SLC44A3: variants seen among roughly 807,000 people sequenced by gnomAD.
SLC44A3 encodes the protein choline transporter-like protein 3.
In SLC44A3, 74 loss-of-function variants were observed where a neutral mutation model predicts 75.4. The ratio of observed to expected loss-of-function variants is 0.98; its 90% confidence interval spans 0.81 to 1.19. The LOEUF (loss-of-function observed/expected upper bound fraction) is 1.19. SLC44A3 is among the 50% of genes most tolerant of loss of function. The probability of loss-of-function intolerance (pLI) is 0.00; values close to 1 mark genes in which losing one functional copy is unlikely to be tolerated. For synonymous variants in SLC44A3, 310 were observed against 296.9 expected, an observed-to-expected ratio of 1.04 and a Z score of -0.45; for missense variants, 700 against 778.6, an observed-to-expected ratio of 0.90 and a Z score of 1.20.
intron 8 of SLC44A3, among the ~76,000 whole-genome samples, chr1:94,842,441 A>C (rs1194838603): frequency 1.3e-5 from 2 of 152,174 alleles, no homozygotes; most frequent in Admixed American, 1.3e-4. Flanking sequence ...GGCAGTTCCC[A>C]TTCCCTGTTT....
intron 12 of SLC44A3, among the ~76,000 whole-genome samples, chr1:94,881,213 C>A (rs912162504): frequency 4.6e-5 from 7 of 152,196 alleles, no homozygotes; most frequent in Non-Finnish European, 1.0e-4. Flanking sequence ...CACCAAGCAG[C>A]CTGGCAGGGC....
At chr1:94,847,913 A>G (rs1664625573) in intron 9 of SLC44A3, among the ~76,000 whole-genome samples, 1 of 152,136 alleles carries the variant, frequency 6.6e-6, no homozygotes, top group Admixed American at 6.5e-5. Flanking sequence ...TGCATCTGGG[A>G]TCCAAAGCTA....
intron 12 of SLC44A3, among the ~76,000 whole-genome samples, chr1:94,886,578 C>T (rs1467357413): frequency 2.6e-5 from 4 of 152,070 alleles, no homozygotes; most frequent in Admixed American, 1.3e-4. Flanking sequence ...ATGAAGCCTT[C>T]CCTGATCCCT....
chr1:94,872,945 G>T (rs147155580), intron 12 of SLC44A3, among the ~76,000 whole-genome samples: 62 of 152,330 alleles, frequency 4.1e-4, no homozygotes, highest in African/African-American at 1.4e-3. Flanking sequence ...GATGTTTCAT[G>T]TTGCCTCAAT....
intron 9 of SLC44A3, among the ~76,000 whole-genome samples, chr1:94,853,894 G>A (rs181963512): frequency 2.5e-4 from 36 of 145,268 alleles, no homozygotes; most frequent in African/African-American, 7.9e-4. Flanking sequence ...TTATTGTTCC[G>A]CCTAATAGCT....
chr1:94,881,052 A>G (rs1668910116), intron 12 of SLC44A3, among the ~76,000 whole-genome samples: 1 of 152,212 alleles, frequency 6.6e-6, no homozygotes, highest in African/African-American at 2.4e-5. Flanking sequence ...GAAAGAAAAG[A>G]TATGTTACTA....
chr1:94,851,432 C>A (rs576759992), intron 9 of SLC44A3, among the ~76,000 whole-genome samples: 1 of 152,174 alleles, frequency 6.6e-6, no homozygotes, highest in African/African-American at 2.4e-5. Context: ...AAATATGCAT[C>A]CCTTAGTGAT....
chr1:94,829,173 C>T (rs2100959474), intron 5 of SLC44A3, among the ~76,000 whole-genome samples: 1 of 152,066 alleles, frequency 6.6e-6, no homozygotes, highest in South Asian at 2.1e-4. Flanking sequence ...GTCCCAGCTA[C>T]TTGGGAGGCC....
intron 9 of SLC44A3, among the ~76,000 whole-genome samples, chr1:94,854,422 A>C (rs537245135): frequency 6.6e-6 from 1 of 152,176 alleles, no homozygotes; most frequent in African/African-American, 2.4e-5. Flanking sequence ...CCATCCCCTG[A>C]GATCTGTCAT....
rs564865029 is a variant in SLC44A3 at position 94,884,844 on chromosome 1, G to A, written c.1483-6286G>A. On this transcript the variant is annotated intron_variant, in intron 12 of 14. Coordinates refer to ENST00000271227, the MANE Select transcript of SLC44A3 (RefSeq NM_001114106.3). ...TTTCTATGTTAAAGCTGCAATTAAC[G>A]TTCTTGGATAGCTCTCACAGTAACT... Among the ~76,000 whole-genome samples the A allele has an allele frequency of 2.0e-5, 3 of 152,270 alleles. No individual in the cohort carries two copies. The South Asian group carries it at 6.2e-4, about 32-fold the overall frequency.
intron 12 of SLC44A3, among the ~76,000 whole-genome samples, chr1:94,884,816 C>T (rs966003641): frequency 5.3e-5 from 8 of 152,168 alleles, no homozygotes; most frequent in Non-Finnish European, 1.2e-4. Flanking sequence ...TAAAAAAACG[C>T]TCTTTCTATG....
chr1:94,833,105 T>A (rs1662335682), intron 5 of SLC44A3, among the ~76,000 whole-genome samples: 1 of 152,146 alleles, frequency 6.6e-6, no homozygotes, highest in Non-Finnish European at 1.5e-5. Context: ...GAGGCTGTAG[T>A]CAGCCTCCCT....
chr1:94,864,594 C>T (rs1451703868), intron 10 of SLC44A3, 149 bp from the exon 11 acceptor site: 13 of 628,334 alleles, frequency 2.1e-5, no homozygotes, highest in African/African-American at 3.7e-5. Flanking sequence ...ACAATTTAAC[C>T]GAAGCTACCA....
intron 12 of SLC44A3, among the ~76,000 whole-genome samples, chr1:94,878,155 AC>A (rs901465555): frequency 6.6e-6 from 1 of 151,620 alleles, no homozygotes; most frequent in Non-Finnish European, 1.5e-5. Flanking sequence ...AATGGCGTGA[AC>A]CCCAGGGGGC....
At chr1:94,888,827 T>G (rs1669897070) in intron 12 of SLC44A3, 21 of 501,262 alleles carry the variant, frequency 4.2e-5, no homozygotes, top group Non-Finnish European at 5.1e-5. Context: ...CTTCCCGGGT[T>G]CAAGCGTTTC....
chr1:94,867,278 C>T, intron 11 of SLC44A3, 53 bp from the exon 12 acceptor site: 2 of 1,448,292 alleles, frequency 1.4e-6, no homozygotes, highest in South Asian at 2.9e-5. Context: ...GCCTGCTTTT[C>T]TTCTTTCCTG....
chr1:94,847,740 T>TC (rs1557834902), intron 9 of SLC44A3, among the ~76,000 whole-genome samples: 2 of 152,166 alleles, frequency 1.3e-5, no homozygotes, highest in Admixed American at 6.5e-5. Context: ...GGCATCACAG[T>TC]CCCCGTGTGA....
chr1:94,847,618 C>T (rs1227290967), intron 9 of SLC44A3, among the ~76,000 whole-genome samples: 1 of 152,214 alleles, frequency 6.6e-6, no homozygotes, highest in African/African-American at 2.4e-5. Flanking sequence ...GGGCTCAGCC[C>T]TGGTCAGAAG....
intron 9 of SLC44A3, among the ~76,000 whole-genome samples, chr1:94,854,759 A>G (rs1488827614): frequency 7.2e-6 from 1 of 138,598 alleles, no homozygotes; most frequent in Non-Finnish European, 1.5e-5. Context: ...CTGATATGGC[A>G]TTTGGCAATG....
Sources: allele counts gnomAD v4.1 joint callset (sites outside exome capture counted in the v4.1 genomes callset), GRCh38; gene constraint gnomAD v4.1.1; transcripts MANE v1.5; gene names NCBI Gene and HGNC (gene_info 2026-07-23, HGNC 2026-07-21).